Variants in XRRA1 observed in about 807,000 individuals in gnomAD.
XRRA1 encodes the protein X-ray radiation resistance associated 1, also known as X-ray radiation resistance-associated protein 1.
In XRRA1, 69 loss-of-function variants were observed where a neutral mutation model predicts 80.2. That is an observed-to-expected ratio of 0.86 (90% CI 0.71 to 1.05). The LOEUF is 1.05. Ranked by LOEUF, XRRA1 falls within the 50% of genes least tolerant of loss-of-function variation. The pLI, the probability that XRRA1 is intolerant of heterozygous loss-of-function variation, is 0.00. For synonymous variants in XRRA1, 348 were observed against 389.9 expected (o/e 0.89, Z 1.27); for missense variants, 967 against 976.4 (o/e 0.99, Z 0.13).
intron 10 of XRRA1, among the ~76,000 whole-genome samples, chr11:74,895,030 TC>T (rs920754026): frequency 2.0e-5 from 3 of 151,956 alleles, no homozygotes; most frequent in Admixed American, 1.3e-4. Flanking sequence ...ACACCATTTG[TC>T]CCCCCGTCCC....
At chr11:74,947,431 G>C (rs1405165588) in intron 1 of XRRA1, among the ~76,000 whole-genome samples, 1 of 152,110 alleles carries the variant, frequency 6.6e-6, no homozygotes, top group Non-Finnish European at 1.5e-5. Context: ...ACTACAGCTT[G>C]GGAGGCTGAG....
At chr11:74,889,398 A>G in intron 10 of XRRA1, among the ~76,000 whole-genome samples, 1 of 152,246 alleles carries the variant, frequency 6.6e-6, no homozygotes, top group Admixed American at 6.5e-5. Flanking sequence ...GAGCTCCTGA[A>G]GGAAGCACTA....
chr11:74,861,741 TA>T (rs1680168802), intron 11 of XRRA1, among the ~76,000 whole-genome samples: 1 of 152,206 alleles, frequency 6.6e-6, no homozygotes, highest in Admixed American at 6.5e-5. Flanking sequence ...ACTGCTGCAT[TA>T]TAGTAAAACT....
intron 10 of XRRA1, among the ~76,000 whole-genome samples, chr11:74,902,012 C>G (rs2053650452): frequency 6.6e-6 from 1 of 152,156 alleles, no homozygotes; most frequent in Non-Finnish European, 1.5e-5. Context: ...GTGCAAACTA[C>G]CCATCTGACA....
At chr11:74,948,402 G>A (rs949558509) in intron 1 of XRRA1, among the ~76,000 whole-genome samples, 4 of 149,994 alleles carry the variant, frequency 2.7e-5, no homozygotes, top group Non-Finnish European at 5.9e-5. Flanking sequence ...CTCTGTCATG[G>A]AGTAGTAGTC....
intron 10 of XRRA1, among the ~76,000 whole-genome samples, chr11:74,865,057 G>A (rs759369224): frequency 4.0e-5 from 6 of 151,228 alleles, no homozygotes; most frequent in Non-Finnish European, 8.8e-5. Context: ...TCACTACAGT[G>A]GAGAATTATC....
rs2041795373 is a variant in XRRA1, at chr11:74,859,173, G to A, written c.1155C>T (p.Ser385=). 2 of 1,606,954 alleles carry A rather than the reference G, an allele frequency of 1.2e-6. No homozygotes were observed. Among genetic ancestry groups the A allele is most frequent in the Non-Finnish European group, 1.7e-6 (2 of 1,177,670 alleles). ...AGAAAGTCACCTTGTTGTAGGCCAG[G>A]CTAAGGTATCTCAGCTCTGGGAAGG... is the stretch of plus-strand genomic sequence containing the variant. ...APPFPELRYL[S]LAYNKIAKED... The change falls in exon 12 of 19, where the codon AGC becomes AGT. Residue 385 remains serine (S), a synonymous_variant. Transcript: ENST00000684022.
At chr11:74,939,037 T>C (rs1387300437) in intron 3 of XRRA1, among the ~76,000 whole-genome samples, 1 of 152,210 alleles carries the variant, frequency 6.6e-6, no homozygotes, top group African/African-American at 2.4e-5. Context: ...CCTTCTACAT[T>C]TTCTAGTTGG....
At position 74,861,591 on chromosome 11, in the gene XRRA1, A is replaced by T. The variant is rs185122645; in HGVS notation, c.1044+1390T>A. Among the ~76,000 whole-genome samples the T allele has an allele frequency of 5.1e-4, 77 of 152,354 alleles. 1 individual carries two copies. The East Asian group carries it at 0.014, about 28-fold the overall frequency. ...GTGAGTTGTATAATTATTTCATTATATATTACAATGTAATAATAACAGAAA... is the reference window on the plus strand; with the variant it reads ...GTGAGTTGTATAATTATTTCATTATTTATTACAATGTAATAATAACAGAAA... On this transcript the variant is annotated intron_variant, in intron 11 of 18. Coordinates refer to ENST00000684022, the MANE Select transcript of XRRA1 (RefSeq NM_001378157.1).
intron 10 of XRRA1, among the ~76,000 whole-genome samples, chr11:74,879,132 T>G (rs1163872770): frequency 6.7e-6 from 1 of 150,158 alleles, no homozygotes; most frequent in Non-Finnish European, 1.5e-5. Context: ...TATCCTCTTT[T>G]ATTTCCTTGA....
chr11:74,843,989 T>C (rs1382239754), intron 17 of XRRA1, 30 bp from the exon 18 acceptor site: 2 of 1,597,604 alleles, frequency 1.3e-6, no homozygotes, highest in African/African-American at 1.3e-5. Context: ...GAGGGTGTTA[T>C]CCCAGGTTTA....
intron 1 of XRRA1, among the ~76,000 whole-genome samples, chr11:74,946,328 A>G (rs1947517086): frequency 6.6e-6 from 1 of 152,082 alleles, no homozygotes; most frequent in Admixed American, 6.5e-5. Flanking sequence ...AATCCCCATA[A>G]TCCCCATGTG....
rs752192440 is a variant in XRRA1, at chr11:74,843,264, C to T, written c.2339G>A (p.Gly780Asp). ...CTCATCCATGAACTCGAGGAAGTGG[C>T]CGAACTTGGGCTGGCTCTCACTCAG... Reference protein sequence around the residue: ...PALSESQPKFGHFLEFMDEFC... With the variant: ...PALSESQPKFDHFLEFMDEFC... The change falls in exon 19 of 19, where the codon GGC (glycine) becomes GAC (aspartate). Residue 780 changes from glycine (G) to aspartate (D), a missense_variant. Gly to Asp is a moderately conservative substitution (Grantham distance 94). Coordinates refer to ENST00000684022, the MANE Select transcript of XRRA1 (RefSeq NM_001378157.1). 1.6e-5 allele frequency: 26 copies of T among 1,575,792 alleles called. No individual in the cohort carries two copies. The Middle Eastern group carries it at 5.0e-4, about 30-fold the overall frequency.
intron 14 of XRRA1, among the ~76,000 whole-genome samples, chr11:74,848,934 G>C (rs182406839): frequency 6.6e-6 from 1 of 152,310 alleles, no homozygotes; most frequent in East Asian, 1.9e-4. Context: ...GTATTTTCTG[G>C]AAGATGACAG....
chr11:74,896,254 A>G (rs2052290576), intron 10 of XRRA1, among the ~76,000 whole-genome samples: 1 of 152,244 alleles, frequency 6.6e-6, no homozygotes, highest in East Asian at 1.9e-4. Flanking sequence ...AGGTTCCTGG[A>G]CAGCATTTCT....
intron 14 of XRRA1, chr11:74,850,873 C>T (rs1002791753): frequency 2.0e-5 from 6 of 300,316 alleles, no homozygotes; most frequent in Admixed American, 4.8e-5. Context: ...CTATAACTTT[C>T]AATGGTAAGA....
intron 10 of XRRA1, among the ~76,000 whole-genome samples, chr11:74,874,193 G>A (rs531539708): frequency 1.7e-3 from 202 of 116,960 alleles, no homozygotes; most frequent in African/African-American, 6.5e-3. Context: ...CTGAGATCAC[G>A]CCACTGCGCT....
intron 2 of XRRA1, among the ~76,000 whole-genome samples, chr11:74,942,096 T>TA: frequency 6.6e-6 from 1 of 150,606 alleles, no homozygotes; most frequent in African/African-American, 2.5e-5. Flanking sequence ...GACCCCATAT[T>TA]TAAAAAAAAA....
intron 10 of XRRA1, among the ~76,000 whole-genome samples, chr11:74,894,697 T>C (rs2051778661): frequency 6.6e-6 from 1 of 152,200 alleles, no homozygotes; most frequent in Non-Finnish European, 1.5e-5. Flanking sequence ...GTGGGGATTA[T>C]GGGGATTACA....
Sources: gnomAD v4.1 joint callset for allele counts (sites outside exome capture counted in the v4.1 genomes callset) on GRCh38, gnomAD v4.1.1 for gene constraint, MANE v1.5 for transcripts, NCBI Gene and HGNC (gene_info 2026-07-23, HGNC 2026-07-21) for gene names.